ADCY2: variants seen among roughly 807,000 people sequenced by gnomAD.
The protein encoded by ADCY2 is adenylate cyclase 2.
ADCY2 carries 31 observed loss-of-function variants against 125.2 expected under a neutral mutation model. That is an observed-to-expected ratio of 0.25 (90% CI 0.19 to 0.33). The LOEUF is 0.33. Among genes scored for constraint, ADCY2 ranks in the 10% least tolerant of loss-of-function variants. The probability of loss-of-function intolerance (pLI) is 1.00; values close to 1 mark genes in which losing one functional copy is unlikely to be tolerated. For missense variants in ADCY2, 904 were observed against 1,418.2 expected (o/e 0.64, Z 5.82); for synonymous variants, 512 against 548.4 (o/e 0.93, Z 0.93).
intron 1 of ADCY2, among the ~76,000 whole-genome samples, chr5:7,413,647 A>G (rs1256093154): frequency 6.6e-6 from 1 of 151,488 alleles, no homozygotes; most frequent in Non-Finnish European, 1.5e-5. Context: ...TTAACTACAC[A>G]TGTTTGGGTG....
At chr5:7,585,152 T>G (rs1291555692) in intron 3 of ADCY2, among the ~76,000 whole-genome samples, 1 of 152,196 alleles carries the variant, frequency 6.6e-6, no homozygotes, top group Non-Finnish European at 1.5e-5. Context: ...TTTTTTCTTT[T>G]GGGACCTGGG....
At position 7,441,557 on chromosome 5, in the gene ADCY2, A is replaced by C. The variant is rs76991412; in HGVS notation, c.408+26787A>C. ...ATAAAGAAAAAAAGCCCTGATTTATAGTGGTTGCTGTTTTCCAAGGCATAA... is the reference window on the plus strand; with the variant it reads ...ATAAAGAAAAAAAGCCCTGATTTATCGTGGTTGCTGTTTTCCAAGGCATAA... On this transcript the variant is annotated intron_variant, in intron 2 of 24. Transcript: ENST00000338316. 5.7e-3 allele frequency among the ~76,000 whole-genome samples: 868 copies of C among 152,252 alleles called. 6 individuals are homozygous for C. Among genetic ancestry groups the C allele is most frequent in the African/African-American group, 0.02 (812 of 41,540 alleles).
intron 3 of ADCY2, among the ~76,000 whole-genome samples, chr5:7,547,560 A>C (rs1314233115): frequency 6.6e-6 from 1 of 152,090 alleles, no homozygotes; most frequent in Admixed American, 6.5e-5. Context: ...GCTTTCCAGG[A>C]ATTTCTTACA....
intron 3 of ADCY2, among the ~76,000 whole-genome samples, chr5:7,542,449 C>T (rs926720988): frequency 6.6e-6 from 1 of 152,148 alleles, no homozygotes; most frequent in Non-Finnish European, 1.5e-5. Context: ...AGCAAATACC[C>T]TCATATTTAA....
chr5:7,600,387 A>C (rs1465726752), intron 3 of ADCY2, among the ~76,000 whole-genome samples: 15 of 152,204 alleles, frequency 9.9e-5, no homozygotes, highest in Admixed American at 9.8e-4. Context: ...ACATGGCTAC[A>C]AATGTAATTG....
chr5:7,678,525 T>TAC (rs1011148651), intron 4 of ADCY2, among the ~76,000 whole-genome samples: 1 of 152,206 alleles, frequency 6.6e-6, no homozygotes, highest in Non-Finnish European at 1.5e-5. Context: ...GAGAGAGATG[T>TAC]ACACACACAC....
chr5:7,742,840 A>G (rs1232374251), intron 14 of ADCY2, among the ~76,000 whole-genome samples: 1 of 152,120 alleles, frequency 6.6e-6, no homozygotes, highest in Non-Finnish European at 1.5e-5. Flanking sequence ...CCTCATTGGC[A>G]TGAGGTTCCA....
chr5:7,698,391 G>A lies in ADCY2; in HGVS notation c.1109+17G>A. 1 of 1,613,826 alleles carries A rather than the reference G, an allele frequency of 6.2e-7. No homozygotes were observed. The highest frequency in any genetic ancestry group is 8.5e-7 in the Non-Finnish European group (1 of 1,179,906). On this transcript the variant is annotated intron_variant, in intron 7 of 24. Coordinates refer to ENST00000338316, the MANE Select transcript of ADCY2 (RefSeq NM_020546.3). Reference sequence around the variant, plus strand: ...AGCCATAAAGTAAGTGGACTGCTTAGTAAGCATTTTGTTATATGCTTTAAG... The same window carrying A: ...AGCCATAAAGTAAGTGGACTGCTTAATAAGCATTTTGTTATATGCTTTAAG...
At chr5:7,704,650 C>T (rs566007019) in intron 7 of ADCY2, among the ~76,000 whole-genome samples, 109 of 152,124 alleles carry the variant, frequency 7.2e-4, no homozygotes, top group African/African-American at 2.5e-3. Context: ...GAGGCCGAGG[C>T]GGGTGGATCA....
intron 4 of ADCY2, among the ~76,000 whole-genome samples, chr5:7,647,267 C>A (rs1738931396): frequency 6.6e-6 from 1 of 152,166 alleles, no homozygotes; most frequent in African/African-American, 2.4e-5. Flanking sequence ...GTTTTCTGAC[C>A]TGTAACATGT....
intron 22 of ADCY2, among the ~76,000 whole-genome samples, chr5:7,806,348 A>G (rs1469859248): frequency 6.6e-6 from 1 of 152,180 alleles, no homozygotes; most frequent in Non-Finnish European, 1.5e-5. Context: ...GTATAGAGAC[A>G]GGCATTTTTC....
intron 3 of ADCY2, among the ~76,000 whole-genome samples, chr5:7,567,988 C>T (rs999004719): frequency 1.3e-5 from 2 of 151,228 alleles, no homozygotes; most frequent in Admixed American, 1.3e-4. Context: ...TCTTTAACTG[C>T]CTTCTTGTTG....
chr5:7,453,644 T>A (rs1741555150), intron 2 of ADCY2, among the ~76,000 whole-genome samples: 1 of 152,158 alleles, frequency 6.6e-6, no homozygotes, highest in South Asian at 2.1e-4. Flanking sequence ...GAGGGCCAAG[T>A]GGGCGACTTG....
intron 3 of ADCY2, among the ~76,000 whole-genome samples, chr5:7,550,571 A>G (rs1304164375): frequency 2.6e-5 from 4 of 152,200 alleles, no homozygotes; most frequent in Non-Finnish European, 4.4e-5. Flanking sequence ...TGAAATGTCT[A>G]TGTCCCTCTT....
intron 4 of ADCY2, among the ~76,000 whole-genome samples, chr5:7,630,592 T>A (rs922065092): frequency 2.0e-5 from 3 of 152,166 alleles, no homozygotes; most frequent in African/African-American, 7.2e-5. Context: ...CCAAAATCAG[T>A]CTCACTGAGC....
At chr5:7,431,187 A>G (rs998248356) in intron 2 of ADCY2, among the ~76,000 whole-genome samples, 1 of 152,194 alleles carries the variant, frequency 6.6e-6, no homozygotes, top group Non-Finnish European at 1.5e-5. Context: ...TATTGGTGTA[A>G]AAATAGACAT....
intron 15 of ADCY2, among the ~76,000 whole-genome samples, chr5:7,753,563 A>C (rs965451788): frequency 1.3e-4 from 20 of 152,322 alleles, no homozygotes; most frequent in Admixed American, 1.2e-3. Context: ...ATTTTGATAA[A>C]CATTTTTCCA....
At chr5:7,684,207 C>A (rs867931330) in intron 4 of ADCY2, among the ~76,000 whole-genome samples, 3 of 152,332 alleles carry the variant, frequency 2.0e-5, no homozygotes, top group Middle Eastern at 3.4e-3. Flanking sequence ...TGAGATTCCC[C>A]TTTGGGTGAT....
intron 2 of ADCY2, among the ~76,000 whole-genome samples, chr5:7,453,431 C>A (rs1227468033): frequency 6.6e-6 from 1 of 152,144 alleles, no homozygotes; most frequent in African/African-American, 2.4e-5. Flanking sequence ...CACAGCCACC[C>A]CCACCTTCAG....
Sources: allele counts gnomAD v4.1 joint callset (sites outside exome capture counted in the v4.1 genomes callset), GRCh38; gene constraint gnomAD v4.1.1; transcripts MANE v1.5; gene names NCBI Gene and HGNC (gene_info 2026-07-23, HGNC 2026-07-21).